The following ITIH1 variants were observed in gnomAD, a reference collection of about 807,000 sequenced individuals.
ITIH1 encodes inter-alpha-trypsin inhibitor heavy chain 1.
Under a neutral mutation model 104.6 loss-of-function variants are expected in ITIH1, and 94 were observed. The observed-to-expected ratio is 0.90, with a 90% CI of 0.76 to 1.07. ITIH1 has a LOEUF of 1.07. Among genes scored for constraint, ITIH1 ranks in the 50% least tolerant of loss-of-function variants. ITIH1 has a pLI of 0.00. For synonymous variants in ITIH1, 455 were observed against 464.4 expected (o/e 0.98, Z 0.26); for missense variants, 1,193 against 1,181.4 (o/e 1.01, Z -0.14).
Position 52,790,883 on chromosome 3 carries a change from A to G in ITIH1, c.2456A>G (p.Asp819Gly), listed in dbSNP as rs1699336514. The change falls in exon 20 of 22, where the codon GAC becomes GGC. Residue 819 changes from aspartate to glycine, a missense_variant. Asp to Gly is a moderately conservative substitution (Grantham distance 94, BLOSUM62 -1). Coordinates refer to ENST00000273283, the MANE Select transcript of ITIH1 (RefSeq NM_002215.4). ...GACTTCCTGGGCTTCTATGTGCTGGACAGTCATCGGATGTCAGCCCGGACG... is the reference window on the plus strand; with the variant it reads ...GACTTCCTGGGCTTCTATGTGCTGGGCAGTCATCGGATGTCAGCCCGGACG... Reference protein sequence around the residue: ...HQDFLGFYVLDSHRMSARTHG... With the variant: ...HQDFLGFYVLGSHRMSARTHG... 6.2e-7 allele frequency: 1 copy of G among 1,611,394 alleles called. No homozygotes were observed. Among genetic ancestry groups the G allele is most frequent in the Non-Finnish European group, 8.5e-7 (1 of 1,179,076 alleles).
intron 8 of ITIH1, 35 bp downstream of exon 8, chr3:52,782,302 A>G: frequency 6.7e-7 from 1 of 1,501,598 alleles, no homozygotes; most frequent in Non-Finnish European, 9.3e-7. Flanking sequence ...ACCCAGCAGA[A>G]GCTTCCACAG....
chr3:52,780,261 T>C lies in ITIH1; in HGVS notation c.574-8T>C. The C allele has an allele frequency of 1.3e-6, 2 of 1,589,376 alleles. No individual in the cohort carries two copies. Among genetic ancestry groups the C allele is most frequent in the Non-Finnish European group, 8.6e-7 (1 of 1,160,824 alleles). On this transcript the variant is annotated splice_polypyrimidine_tract_variant and splice_region_variant and intron_variant, in intron 5 of 21. Transcript: ENST00000273283. ...TTTTTAAAAAAATAATTTGCTTCAATGTTGCAGATTGATGTGGACATCTTC... is the reference window on the plus strand; with the variant it reads ...TTTTTAAAAAAATAATTTGCTTCAACGTTGCAGATTGATGTGGACATCTTC...
chr3:52,779,776 T>A lies in ITIH1; in HGVS notation c.573+182T>A, dbSNP rs1321261793. The stretch of plus-strand genomic sequence containing the variant: ...CAGGGAACTCCCTGAATTCTCTAAC[T>A]TCCTCTTTATCTCTGAGCTTCGGTT... On this transcript the variant is annotated intron_variant, in intron 5 of 21. Coordinates refer to ENST00000273283, the MANE Select transcript of ITIH1 (RefSeq NM_002215.4). This position sits in a 1 kb window ranked among gnomAD's most constrained non-coding sequence, Gnocchi z 4.4. The A allele has an allele frequency of 9.6e-7, 1 of 1,039,678 alleles. No homozygotes were observed. Among genetic ancestry groups the A allele is most frequent in the African/African-American group, 1.6e-5 (1 of 62,176 alleles). The allele number at this position is 1,039,678 out of a possible 1,614,324, so 64.4% of individuals were successfully genotyped here. A position where few individuals can be genotyped will look rare whatever the true frequency, so the allele number is the denominator to read the frequency against.
chr3:52,780,290 C>T lies in ITIH1; in HGVS notation c.595C>T (p.Pro199Ser). The T allele has an allele frequency of 6.2e-7, 1 of 1,613,614 alleles. No homozygotes were observed. Among genetic ancestry groups the T allele is most frequent in the Non-Finnish European group, 8.5e-7 (1 of 1,179,608 alleles). Residue 199 changes from proline to serine, a missense_variant, in exon 6 of 22, where the codon CCC (proline) becomes TCC (serine). Coordinates refer to ENST00000273283, the MANE Select transcript of ITIH1 (RefSeq NM_002215.4). ...HFEIDVDIFE[P>S]QGISKLDAQA... is the part of the protein sequence containing the mutation. ...GCAGATTGATGTGGACATCTTCGAG[C>T]CCCAGGGGATCAGCAAGCTGGATGC...
In ITIH1 at chr3:52,782,938, G is replaced by T; in HGVS notation, c.931-19G>T. 1 of 1,613,368 alleles carries T rather than the reference G, an allele frequency of 6.2e-7. No homozygotes were observed. The highest frequency in any genetic ancestry group is 1.1e-5 in the South Asian group (1 of 91,028). On this transcript the variant is annotated intron_variant, in intron 8 of 21. Coordinates refer to ENST00000273283, the MANE Select transcript of ITIH1 (RefSeq NM_002215.4). ...CACCCTGGGGCCCTGTCTGTCTACT[G>T]ACTGTTCTGTCCTTGCAGACCAAGG...
chr3:52,777,819 C>T, intron 1 of ITIH1, 87 bp downstream of exon 1: 1 of 1,368,706 alleles, frequency 7.3e-7, no homozygotes, highest in Non-Finnish European at 1.0e-6. Flanking sequence ...TTCAAGGGGC[C>T]AGGGTCACCC....
intron 15 of ITIH1, 122 bp from the exon 16 acceptor site, chr3:52,787,470 G>A: frequency 8.2e-7 from 1 of 1,214,778 alleles, no homozygotes; most frequent in Admixed American, 1.7e-5. Flanking sequence ...GGACCCCAGG[G>A]GAGGGCTGAG....
intron 13 of ITIH1, 49 bp from the exon 14 acceptor site, chr3:52,786,896 G>T: frequency 5.8e-6 from 9 of 1,557,920 alleles, no homozygotes; most frequent in Non-Finnish European, 7.8e-6. Flanking sequence ...GTGAAAGGAT[G>T]AGGGCCGTGC....
chr3:52,783,126 G>C lies in ITIH1; in HGVS notation c.1099+1G>C, dbSNP rs143471792. On this transcript the variant is annotated splice_donor_variant, in intron 9 of 21. Coordinates refer to ENST00000273283, the MANE Select transcript of ITIH1 (RefSeq NM_002215.4). LOFTEE classifies it high-confidence loss of function. The stretch of plus-strand genomic sequence containing the variant: ...GTGCGGGGCTTTTCCCTGGATGAGG[G>C]TAAGGGTGGGGGTCTCAGGCAACCT... 11 of 1,612,850 alleles carry C rather than the reference G, an allele frequency of 6.8e-6. No individual in the cohort carries two copies. Among genetic ancestry groups the C allele is most frequent in the Non-Finnish European group, 9.3e-6 (11 of 1,179,226 alleles).
Position 52,786,913 on chromosome 3 carries a change from G to T in ITIH1, c.1734-32G>T, listed in dbSNP as rs770183922. 18 of 1,582,394 alleles carry T rather than the reference G, an allele frequency of 1.1e-5. No individual in the cohort carries two copies. The East Asian group carries it at 2.7e-4, about 24-fold the overall frequency. On this transcript the variant is annotated intron_variant, in intron 13 of 21. Coordinates refer to ENST00000273283, the MANE Select transcript of ITIH1 (RefSeq NM_002215.4). ...GAAAGGATGAGGGCCGTGCAAGTCG[G>T]GGCTTGGAGCCAGCCTCTGTCTTGA...
chr3:52,787,451 G>A, intron 15 of ITIH1, 141 bp from the exon 16 acceptor site: 1 of 1,060,964 alleles, frequency 9.4e-7, no homozygotes, highest in Non-Finnish European at 1.5e-6. Flanking sequence ...GTATGTCTGT[G>A]AGGAGGCAGG....
chr3:52,785,237 G>A lies in ITIH1; in HGVS notation c.1593+8G>A. On this transcript the variant is annotated splice_region_variant and intron_variant, in intron 12 of 21. Coordinates refer to ENST00000273283, the MANE Select transcript of ITIH1 (RefSeq NM_002215.4). ...GATGTGCAGGCCCATGGGGTAAATG[G>A]TGGGCCATGGAGGGTGGAGAGGCCA... is the stretch of plus-strand genomic sequence containing the variant. The A allele has an allele frequency of 6.2e-7, 1 of 1,613,442 alleles. No individual in the cohort carries two copies. The highest frequency in any genetic ancestry group is 1.7e-5 in the Admixed American group (1 of 60,016).
At chr3:52,791,440 G>T (rs1030439176) in intron 20 of ITIH1, 77 bp from the exon 21 acceptor site, 2 of 1,184,782 alleles carry the variant, frequency 1.7e-6, no homozygotes, top group African/African-American at 1.5e-5. Context: ...CTCTAACCCC[G>T]CAGTGAGCAC....
In ITIH1 at chr3:52,789,869, C is replaced by T. The variant is rs1300930266; in HGVS notation, c.2321+15C>T. ...CGGCAGGACGGGTAACCTGCCAGGG[C>T]CTGGGCAAGATGCAGGGGGAGGTGT... is the stretch of plus-strand genomic sequence containing the variant. On this transcript the variant is annotated intron_variant, in intron 19 of 21. Coordinates refer to ENST00000273283, the MANE Select transcript of ITIH1 (RefSeq NM_002215.4). The T allele has an allele frequency of 6.2e-7, 1 of 1,609,014 alleles. No individual in the cohort carries two copies. The highest frequency in any genetic ancestry group is 1.3e-5 in the African/African-American group (1 of 74,928).
Position 52,779,622 on chromosome 3 carries a change from C to G in ITIH1, c.573+28C>G, listed in dbSNP as rs1392057711. On this transcript the variant is annotated intron_variant, in intron 5 of 21. Coordinates refer to ENST00000273283, the MANE Select transcript of ITIH1 (RefSeq NM_002215.4). This position sits in a 1 kb window ranked among gnomAD's most constrained non-coding sequence, Gnocchi z 4.4. ...AGATCACAGGTCCCGGGGCAGGGGT[C>G]CTGCCCCTCTCTCCGTCACCATGGC... The G allele has an allele frequency of 6.2e-7, 1 of 1,612,738 alleles. No homozygotes were observed. Among genetic ancestry groups the G allele is most frequent in the Admixed American group, 1.7e-5 (1 of 60,004 alleles).
chr3:52,777,823 G>T, intron 1 of ITIH1, 91 bp downstream of exon 1: 2 of 1,372,498 alleles, frequency 1.5e-6, no homozygotes, highest in Middle Eastern at 2.1e-4. Context: ...AGGGGCCAGG[G>T]TCACCCCCAC....
chr3:52,785,341 G>A, intron 12 of ITIH1, 112 bp downstream of exon 12: 1 of 1,011,688 alleles, frequency 9.9e-7, no homozygotes, highest in Non-Finnish European at 1.5e-6. Context: ...CCCCAGAGTA[G>A]TACCCTCATC....
Position 52,779,973 on chromosome 3 carries a change from C to T in ITIH1, c.574-296C>T, listed in dbSNP as rs771208972. The stretch of plus-strand genomic sequence containing the variant: ...CTGAGTTGAGGGATGCAGGCATGTA[C>T]ACCTTCATTTGGTCAGTATTTTTGG... On this transcript the variant is annotated intron_variant, in intron 5 of 21. Transcript: ENST00000273283. The surrounding 1 kb of genome is among the most constrained non-coding windows in gnomAD (Gnocchi z 4.4). The T allele has an allele frequency of 2.2e-5, 30 of 1,391,022 alleles. No individual in the cohort carries two copies. Among genetic ancestry groups the T allele is most frequent in the South Asian group, 1.1e-4 (7 of 64,040 alleles). 86.2% of individuals were successfully genotyped at this position (1,391,022 alleles called of 1,614,324 possible).
In ITIH1 at chr3:52,790,940, G is replaced by A. The variant is rs771792777; in HGVS notation, c.2494+19G>A. 1.9e-6 allele frequency: 3 copies of A among 1,588,082 alleles called. No homozygotes were observed. The highest frequency in any genetic ancestry group is 8.5e-7 in the Non-Finnish European group (1 of 1,170,194). Reference sequence around the variant, plus strand: ...CTGCTGGGTACGGCTGGCCAGGCTGGCAGGGCTGTGGGGAAGGGTGTTGAA... The same window carrying A: ...CTGCTGGGTACGGCTGGCCAGGCTGACAGGGCTGTGGGGAAGGGTGTTGAA... On this transcript the variant is annotated intron_variant, in intron 20 of 21. Coordinates refer to ENST00000273283, the MANE Select transcript of ITIH1 (RefSeq NM_002215.4).
Sources: allele counts gnomAD v4.1 joint callset, GRCh38; gene constraint gnomAD v4.1.1; non-coding constraint Gnocchi (gnomAD v3.1); transcripts MANE v1.5; gene names NCBI Gene and HGNC (gene_info 2026-07-23, HGNC 2026-07-21).